Variants in CNTNAP5 observed in about 807,000 individuals in gnomAD.
CNTNAP5 encodes the protein contactin associated protein family member 5, also known as contactin-associated protein-like 5.
Under a neutral mutation model 150.2 loss-of-function variants are expected in CNTNAP5, and 72 were observed. That is an observed-to-expected ratio of 0.48 (90% CI 0.40 to 0.58). CNTNAP5 has a LOEUF of 0.58. CNTNAP5 is among the 20% of genes least tolerant of loss of function. The pLI is 0.00. For missense variants in CNTNAP5, 1,636 were observed against 1,626.2 expected, an observed-to-expected ratio of 1.01 and a Z score of -0.10; for synonymous variants, 672 against 619.8, an observed-to-expected ratio of 1.08 and a Z score of -1.25.
chr2:124,317,195 T>C (rs891078816), intron 3 of CNTNAP5, among the ~76,000 whole-genome samples: 4 of 152,162 alleles, frequency 2.6e-5, no homozygotes, highest in African/African-American at 9.7e-5. Context: ...TACCTTTAGA[T>C]TAAGTTCAGG....
chr2:124,183,015 A>T (rs529401180), intron 1 of CNTNAP5, among the ~76,000 whole-genome samples: 14 of 152,320 alleles, frequency 9.2e-5, no homozygotes, highest in Non-Finnish European at 1.8e-4. Context: ...ATCCTTCAAC[A>T]TGGAAGACCC....
At chr2:124,893,502 A>T (rs1678241925) in intron 21 of CNTNAP5, among the ~76,000 whole-genome samples, 1 of 152,164 alleles carries the variant, frequency 6.6e-6, no homozygotes, top group Non-Finnish European at 1.5e-5. Context: ...TCTTAATGCT[A>T]CTGTATGCCA....
At chr2:124,803,128 G>C (rs1428734526) in intron 19 of CNTNAP5, among the ~76,000 whole-genome samples, 1 of 142,220 alleles carries the variant, frequency 7.0e-6, no homozygotes, top group Non-Finnish European at 1.5e-5. Context: ...AAAAAAAAAA[G>C]AAGTCTAGTT....
At position 124,417,547 on chromosome 2, in the gene CNTNAP5, T is replaced by C; in HGVS notation, c.486T>C (p.Ser162=). ...VRFVPLEWNP[S]GKIGMRVEVY... ...TTGTGCCCCTGGAATGGAATCCCAG[T>C]GGGAAGATTGGCATGAGAGTCGAGG... The change falls in exon 4 of 24, where the codon AGT becomes AGC. Residue 162 remains serine, a synonymous_variant. Transcript: ENST00000682447. The C allele has an allele frequency of 1.9e-6, 3 of 1,613,732 alleles. No homozygotes were observed. The highest frequency in any genetic ancestry group is 2.7e-5 in the African/African-American group (2 of 75,054).
intron 1 of CNTNAP5, among the ~76,000 whole-genome samples, chr2:124,196,304 C>A (rs1685583233): frequency 6.6e-6 from 1 of 152,120 alleles, no homozygotes; most frequent in Non-Finnish European, 1.5e-5. Flanking sequence ...CATCCTGGAT[C>A]TTCACTTCAC....
intron 1 of CNTNAP5, among the ~76,000 whole-genome samples, chr2:124,128,586 A>G (rs987441436): frequency 6.6e-6 from 1 of 152,224 alleles, no homozygotes. Flanking sequence ...ATGATAAATC[A>G]TGCTACTATA....
chr2:124,516,417 C>T (rs1694718877), intron 8 of CNTNAP5, among the ~76,000 whole-genome samples: 2 of 152,102 alleles, frequency 1.3e-5, no homozygotes, highest in South Asian at 4.1e-4. Context: ...AAGATAAAGC[C>T]TAGAAACTTT....
chr2:124,282,208 A>G (rs375215333), intron 3 of CNTNAP5, among the ~76,000 whole-genome samples: 2 of 152,166 alleles, frequency 1.3e-5, no homozygotes, highest in Non-Finnish European at 2.9e-5. Context: ...TGAATGCCAG[A>G]TTATTAGTAT....
In CNTNAP5 at chr2:124,554,428, T is replaced by TC. The variant is rs552434129; in HGVS notation, c.1650-8789_1650-8788insC. ...AGTTGTCTCATACTTTTTTCTTTTTTTTTTTTTTTTGAGACAGGGTCTTAC... is the reference window on the plus strand; with the variant it reads ...AGTTGTCTCATACTTTTTTCTTTTTTCTTTTTTTTTTGAGACAGGGTCTTAC... On this transcript the variant is annotated intron_variant, in intron 10 of 23. Transcript: ENST00000682447. Among the ~76,000 whole-genome samples the TC allele has an allele frequency of 2.2e-4, 33 of 150,984 alleles. No individual in the cohort carries two copies. The South Asian group carries it at 6.9e-3, about 32-fold the overall frequency.
At chr2:124,779,559 A>G (rs1681404480) in intron 17 of CNTNAP5, among the ~76,000 whole-genome samples, 1 of 152,148 alleles carries the variant, frequency 6.6e-6, no homozygotes, top group South Asian at 2.1e-4. Flanking sequence ...CTTTTAAATC[A>G]AATTAATTTT....
Position 124,559,139 on chromosome 2 carries a change from T to A in CNTNAP5, c.1650-4078T>A, listed in dbSNP as rs571689736. Among the ~76,000 whole-genome samples, 187 of 152,356 alleles carry A rather than the reference T, an allele frequency of 1.2e-3. 1 individual carries two copies. The highest frequency in any genetic ancestry group is 6.2e-4 in the Non-Finnish European group (42 of 68,028). ...CTGTGAGCTTAGGTCCATGGACCAC[T>A]CTAGATAAACCTTTTCACTTTATCT... On this transcript the variant is annotated intron_variant, in intron 10 of 23. Transcript: ENST00000682447.
intron 13 of CNTNAP5, among the ~76,000 whole-genome samples, chr2:124,669,863 G>T (rs974861874): frequency 6.6e-6 from 1 of 152,092 alleles, no homozygotes; most frequent in Non-Finnish European, 1.5e-5. Flanking sequence ...CGCTACCTTG[G>T]CCATTCCCAG....
chr2:124,513,790 G>A (rs1694646283), intron 8 of CNTNAP5, among the ~76,000 whole-genome samples: 1 of 152,192 alleles, frequency 6.6e-6, no homozygotes, highest in Non-Finnish European at 1.5e-5. Context: ...GAGATGGCCT[G>A]GAGAGCTGCA....
At chr2:124,855,880 TGAGTCCCCAAA>T (rs1677361053) in intron 19 of CNTNAP5, among the ~76,000 whole-genome samples, 1 of 152,076 alleles carries the variant, frequency 6.6e-6, no homozygotes, top group Admixed American at 6.6e-5. Context: ...CCCTTACCCT[TGAGTCCCCAAA>T]GTCCATTGTA....
rs146114168 is a variant in CNTNAP5, at chr2:124,901,776, C to A, written c.3437-1106C>A. Among the ~76,000 whole-genome samples, 389 of 152,202 alleles carry A rather than the reference C, an allele frequency of 2.6e-3. 2 individuals carry two copies. Among genetic ancestry groups the A allele is most frequent in the African/African-American group, 8.9e-3 (370 of 41,522 alleles). On this transcript the variant is annotated intron_variant, in intron 21 of 23. Coordinates refer to ENST00000682447, the MANE Select transcript of CNTNAP5 (RefSeq NM_001367498.1). ...AAAAGACAGAGATGATAAGTTGGCT[C>A]AGTTTACATGGGTGTTGATGGAGGA...
At chr2:124,259,399 T>C (rs573114425) in intron 3 of CNTNAP5, among the ~76,000 whole-genome samples, 21 of 152,228 alleles carry the variant, frequency 1.4e-4, no homozygotes, top group Middle Eastern at 3.4e-3. Flanking sequence ...TGTCAAATGG[T>C]ATTTCTAGTT....
chr2:124,785,090 A>G (rs1681537866), intron 17 of CNTNAP5, among the ~76,000 whole-genome samples: 1 of 151,908 alleles, frequency 6.6e-6, no homozygotes, highest in Admixed American at 6.6e-5. Context: ...AAAACCCTTA[A>G]GCATCTCTAA....
At chr2:124,731,457 G>A (rs1370334756) in intron 13 of CNTNAP5, among the ~76,000 whole-genome samples, 2 of 151,784 alleles carry the variant, frequency 1.3e-5, no homozygotes, top group Non-Finnish European at 1.5e-5. Context: ...TTGTGCTAAG[G>A]CGTTTAAAAA....
intron 13 of CNTNAP5, among the ~76,000 whole-genome samples, chr2:124,734,392 G>T (rs893884524): frequency 6.6e-6 from 1 of 151,988 alleles, no homozygotes; most frequent in Non-Finnish European, 1.5e-5. Flanking sequence ...GTGAAGCAGG[G>T]TAAACAAAAA....
Sources: gnomAD v4.1 joint callset for allele counts (sites outside exome capture counted in the v4.1 genomes callset) on GRCh38, gnomAD v4.1.1 for gene constraint, MANE v1.5 for transcripts, NCBI Gene and HGNC (gene_info 2026-07-23, HGNC 2026-07-21) for gene names.